Variants in C1QTNF9 observed in about 807,000 individuals in gnomAD.
C1QTNF9 encodes C1q and TNF related 9, also known as complement C1q and tumor necrosis factor-related protein 9A.
A neutral mutation model predicts 10.1 loss-of-function variants in C1QTNF9; 6 were observed. That is an observed-to-expected ratio of 0.59 (90% CI 0.32 to 1.17). The LOEUF (loss-of-function observed/expected upper bound fraction) is 1.17, where lower values mean the gene tolerates loss of function less well. Among genes scored for constraint, C1QTNF9 ranks in the 50% most tolerant of loss-of-function variants. The pLI is 0.04. For missense variants in C1QTNF9, 201 were observed against 418.8 expected (o/e 0.48, Z 4.54); for synonymous variants, 98 against 163.5 (o/e 0.60, Z 3.06).
At chr13:24,320,215 C>T (rs1412027856) in intron 3 of C1QTNF9, among the ~76,000 whole-genome samples, 11 of 152,114 alleles carry the variant, frequency 7.2e-5, no homozygotes, top group Non-Finnish European at 1.2e-4. Context: ...AGAGTGCTTT[C>T]TGTCATGGAT....
In C1QTNF9 at chr13:24,317,067, C is replaced by G. The variant is rs144035860; in HGVS notation, c.166+898C>G. Among the ~76,000 whole-genome samples, 316 of 152,272 alleles carry G rather than the reference C, an allele frequency of 2.1e-3. 3 individuals carry two copies. Among genetic ancestry groups the G allele is most frequent in the Admixed American group, 0.019 (298 of 15,292 alleles). ...TGGGCTGGATGAAGCCAAGGGTCACCAGGAAGCAACATTCTTTCTAACCAC... is the reference window on the plus strand; with the variant it reads ...TGGGCTGGATGAAGCCAAGGGTCACGAGGAAGCAACATTCTTTCTAACCAC... On this transcript the variant is annotated intron_variant, in intron 2 of 3. Coordinates refer to ENST00000332018, the Ensembl canonical transcript of C1QTNF9.
At chr13:24,310,353 C>T (rs61693196) in intron 1 of C1QTNF9, among the ~76,000 whole-genome samples, 31,450 of 144,546 alleles carry the variant, frequency 0.22, 4,239 homozygotes, top group Non-Finnish European at 0.29. Flanking sequence ...TTAGTAGAAA[C>T]GGGGTTTCAC....
At chr13:24,310,283 A>G (rs1051038366) in intron 1 of C1QTNF9, among the ~76,000 whole-genome samples, 5 of 150,262 alleles carry the variant, frequency 3.3e-5, no homozygotes, top group African/African-American at 1.2e-4. Flanking sequence ...CCTCCTGAGT[A>G]GCTGGGACTA....
At chr13:24,309,999 A>G (rs1472240574) in intron 1 of C1QTNF9, among the ~76,000 whole-genome samples, 1 of 151,986 alleles carries the variant, frequency 6.6e-6, no homozygotes, top group Admixed American at 6.6e-5. Context: ...GGTTCAAGCA[A>G]TTATCTGCCT....
intron 1 of C1QTNF9, among the ~76,000 whole-genome samples, chr13:24,313,907 T>G (rs1285306930): frequency 1.3e-5 from 2 of 152,252 alleles, no homozygotes; most frequent in Non-Finnish European, 2.9e-5. Context: ...TTCAGCACAA[T>G]GTATATCATT....
chr13:24,311,257 T>A (rs1387694474), intron 1 of C1QTNF9, among the ~76,000 whole-genome samples: 1 of 152,210 alleles, frequency 6.6e-6, no homozygotes, highest in Admixed American at 6.5e-5. Flanking sequence ...GGGTGACCAT[T>A]TATCAAGAGA....
chr13:24,311,218 TG>T (rs1267295728), intron 1 of C1QTNF9, among the ~76,000 whole-genome samples: 12 of 152,282 alleles, frequency 7.9e-5, no homozygotes. Context: ...ATGATGTTCT[TG>T]GAGAAAATTA....
rs939770381 is a variant in C1QTNF9 at position 24,321,442 on chromosome 13, A to G, written c.676A>G (p.Ile226Val). Residue 226 changes from isoleucine to valine, a missense_variant, in exon 4 of 4, where the codon ATC becomes GTC. Coordinates refer to ENST00000332018, the Ensembl canonical transcript of C1QTNF9. ...AGATATGCCCATTAAATTTGATAAG[A>G]TCCTGTATAACGAATTCAACCATTA... 8.1e-6 allele frequency: 13 copies of G among 1,612,836 alleles called. No homozygotes were observed. Among genetic ancestry groups the G allele is most frequent in the Non-Finnish European group, 1.1e-5 (13 of 1,179,690 alleles).
rs149538682 is a variant in C1QTNF9, at chr13:24,321,761, G to A, written c.995G>A (p.Ser332Asn). The stretch of plus-strand genomic sequence containing the variant: ...TTCACAGGGTTCCTTCTGTTCAGCA[G>A]CCCGTGACAGAGGAGAGTTTAAAAA... Residue 332 changes from serine (S) to asparagine (N), a missense_variant, in exon 4 of 4, where the codon AGC (serine) becomes AAC (asparagine). Coordinates refer to ENST00000332018, the Ensembl canonical transcript of C1QTNF9. 2.6e-5 allele frequency: 40 copies of A among 1,565,758 alleles called. No homozygotes were observed. In the African/African-American group the frequency reaches 4.7e-4, roughly 19 times the overall value.
upstream of C1QTNF9, among the ~76,000 whole-genome samples, chr13:24,307,435 G>T (rs183010927): frequency 9.4e-4 from 143 of 152,354 alleles, no homozygotes; most frequent in African/African-American, 3.3e-3. Flanking sequence ...CTGTGCTAGT[G>T]GCCCTGCTCA....
At chr13:24,316,470 T>C (rs1462511310) in intron 2 of C1QTNF9, among the ~76,000 whole-genome samples, 1 of 152,146 alleles carries the variant, frequency 6.6e-6, no homozygotes, top group Admixed American at 6.5e-5. Context: ...GCAGAACATT[T>C]TCAGTAGTAT....
chr13:24,321,881 G>T (rs1878290372), exon 4 of C1QTNF9: 1 of 1,379,140 alleles, frequency 7.3e-7, no homozygotes, highest in Non-Finnish European at 9.6e-7. Flanking sequence ...ATCATAAAAA[G>T]GTGAAAATGG....
At chr13:24,315,605 C>T (rs1211445132) in intron 1 of C1QTNF9, 2 of 288,086 alleles carry the variant, frequency 6.9e-6, no homozygotes, top group Non-Finnish European at 1.3e-5. Flanking sequence ...TTGGAATGTG[C>T]CTTTATGCAT....
At chr13:24,308,187 G>A (rs1877670778), upstream of C1QTNF9, among the ~76,000 whole-genome samples, 1 of 152,254 alleles carries the variant, frequency 6.6e-6, no homozygotes, top group Non-Finnish European at 1.5e-5. Flanking sequence ...GTCCAGGCCG[G>A]CAGGCTGCCC....
chr13:24,311,749 A>G (rs766068898), intron 1 of C1QTNF9, among the ~76,000 whole-genome samples: 41 of 152,204 alleles, frequency 2.7e-4, no homozygotes, highest in Non-Finnish European at 4.0e-4. Context: ...TCTGTTTCAT[A>G]TGCTTATGTC....
chr13:24,311,839 A>C (rs1188694742), intron 1 of C1QTNF9, among the ~76,000 whole-genome samples: 2 of 152,146 alleles, frequency 1.3e-5, no homozygotes, highest in African/African-American at 4.8e-5. Context: ...GCCCTCCTTC[A>C]AGGAGTCCCA....
chr13:24,311,511 T>C (rs1877819706), intron 1 of C1QTNF9, among the ~76,000 whole-genome samples: 1 of 152,204 alleles, frequency 6.6e-6, no homozygotes, highest in Admixed American at 6.5e-5. Context: ...TTGTCTTGAT[T>C]TGTCCAAGGC....
chr13:24,312,853 G>C (rs545204115), intron 1 of C1QTNF9, among the ~76,000 whole-genome samples: 10 of 151,852 alleles, frequency 6.6e-5, no homozygotes, highest in Non-Finnish European at 5.9e-5. Flanking sequence ...TACTCGGGAG[G>C]CTGAGGCAGG....
chr13:24,314,809 C>T (rs1877966733), intron 1 of C1QTNF9, among the ~76,000 whole-genome samples: 1 of 151,768 alleles, frequency 6.6e-6, no homozygotes, highest in African/African-American at 2.4e-5. Flanking sequence ...CATGACTGTA[C>T]TTCAGCCTGC....
Sources: allele counts gnomAD v4.1 joint callset (sites outside exome capture counted in the v4.1 genomes callset), GRCh38; gene constraint gnomAD v4.1.1; transcripts MANE v1.5; gene names NCBI Gene and HGNC (gene_info 2026-07-23, HGNC 2026-07-21).